The following FSTL5 variants were observed in gnomAD, a reference collection of about 807,000 sequenced individuals.
FSTL5 encodes the protein follistatin-related protein 5.
FSTL5 carries 62 observed loss-of-function variants against 89.1 expected under a neutral mutation model. The ratio of observed to expected loss-of-function variants is 0.70; its 90% CI spans 0.57 to 0.86. The LOEUF (loss-of-function observed/expected upper bound fraction) is 0.86, where lower values mean the gene tolerates loss of function less well. FSTL5 is among the 40% of genes least tolerant of loss of function. The pLI is 0.00. For synonymous variants in FSTL5, 383 were observed against 346.2 expected (o/e 1.11, Z -1.18); for missense variants, 1,057 against 1,001.6 (o/e 1.06, Z -0.75).
chr4:161,608,627 TA>T (rs1448859755), intron 7 of FSTL5, among the ~76,000 whole-genome samples: 9 of 152,002 alleles, frequency 5.9e-5, no homozygotes, highest in Non-Finnish European at 1.2e-4. Context: ...TATGAATCTT[TA>T]AAAAATAATA....
chr4:161,747,416 T>C (rs555575455), intron 6 of FSTL5, among the ~76,000 whole-genome samples: 2 of 152,316 alleles, frequency 1.3e-5, no homozygotes, highest in African/African-American at 2.4e-5. Context: ...CAATATGCCA[T>C]ATACTAAAAT....
chr4:161,748,790 A>G (rs760105593), intron 6 of FSTL5, among the ~76,000 whole-genome samples: 23 of 152,126 alleles, frequency 1.5e-4, no homozygotes, highest in Non-Finnish European at 3.1e-4. Flanking sequence ...GTATGATTAA[A>G]TGACCATCAA....
intron 3 of FSTL5, among the ~76,000 whole-genome samples, chr4:162,024,059 A>G (rs1047253498): frequency 1.3e-5 from 2 of 152,170 alleles, no homozygotes; most frequent in East Asian, 3.9e-4. Context: ...AAAGCCTATA[A>G]AAAGGAAAGC....
chr4:162,080,695 A>G lies in FSTL5; in HGVS notation c.126+30576T>C, dbSNP rs1050745040. Among the ~76,000 whole-genome samples the G allele has an allele frequency of 4.6e-5, 7 of 151,704 alleles. No homozygotes were observed. The East Asian group carries it at 7.8e-4, about 17-fold the overall frequency. ...CTCTAAAATGTTGCTTTTCAGTTTG[A>G]GTATCAATATTTTGAAACTGAATCT... On this transcript the variant is annotated intron_variant, in intron 2 of 15. Coordinates refer to ENST00000306100, the MANE Select transcript of FSTL5 (RefSeq NM_020116.5).
intron 10 of FSTL5, among the ~76,000 whole-genome samples, chr4:161,516,610 T>C (rs1730842481): frequency 1.4e-5 from 1 of 72,418 alleles, no homozygotes; most frequent in African/African-American, 4.9e-5. Flanking sequence ...TTTTATATAA[T>C]AAATTATATA....
chr4:161,889,114 T>C (rs2110744498), intron 4 of FSTL5, among the ~76,000 whole-genome samples: 1 of 152,316 alleles, frequency 6.6e-6, no homozygotes, highest in South Asian at 2.1e-4. Flanking sequence ...TCCTTTTTTC[T>C]TCCACAATTA....
chr4:161,804,326 G>A (rs1202981361), intron 4 of FSTL5, among the ~76,000 whole-genome samples: 3 of 152,074 alleles, frequency 2.0e-5, no homozygotes, highest in Non-Finnish European at 4.4e-5. Flanking sequence ...CAAGAATTGT[G>A]ATAAGGACAT....
chr4:161,973,530 T>C (rs369054394), intron 3 of FSTL5, among the ~76,000 whole-genome samples: 11 of 152,244 alleles, frequency 7.2e-5, no homozygotes, highest in East Asian at 3.8e-4. Context: ...CCTAAATAAC[T>C]GTATTTATGT....
chr4:161,946,404 T>C (rs905147956), intron 3 of FSTL5, among the ~76,000 whole-genome samples: 5 of 152,226 alleles, frequency 3.3e-5, no homozygotes, highest in Admixed American at 3.3e-4. Flanking sequence ...TATAATTATG[T>C]TTGCCATTAT....
chr4:161,665,188 G>GTTTTGT (rs935412434), intron 6 of FSTL5, among the ~76,000 whole-genome samples: 18 of 152,216 alleles, frequency 1.2e-4, no homozygotes, highest in Admixed American at 3.9e-4. Flanking sequence ...TAAAAGTTTT[G>GTTTTGT]TTTTGTTTTT....
intron 7 of FSTL5, among the ~76,000 whole-genome samples, chr4:161,650,102 C>CT (rs748654290): frequency 1.4e-4 from 21 of 152,158 alleles, no homozygotes; most frequent in Non-Finnish European, 2.2e-4. Context: ...ATCTATTCTA[C>CT]TCTGTGCTGG....
At chr4:161,914,631 T>C (rs994501271) in intron 4 of FSTL5, among the ~76,000 whole-genome samples, 1 of 152,182 alleles carries the variant, frequency 6.6e-6, no homozygotes, top group African/African-American at 2.4e-5. Context: ...ATTTTTTCTT[T>C]AAATATAATT....
intron 2 of FSTL5, among the ~76,000 whole-genome samples, chr4:162,105,403 C>A (rs546163051): frequency 6.6e-6 from 1 of 152,122 alleles, no homozygotes; most frequent in Non-Finnish European, 1.5e-5. Flanking sequence ...ACTAAGAAAG[C>A]ATTTTTGCTA....
intron 8 of FSTL5, among the ~76,000 whole-genome samples, chr4:161,566,192 A>G (rs1381173272): frequency 1.3e-5 from 2 of 148,796 alleles, no homozygotes; most frequent in African/African-American, 2.5e-5. Context: ...AAAAACACAC[A>G]TAATAATGTC....
chr4:161,764,529 G>C (rs1383373854), intron 5 of FSTL5, among the ~76,000 whole-genome samples: 1 of 152,120 alleles, frequency 6.6e-6, no homozygotes, highest in Non-Finnish European at 1.5e-5. Context: ...AAAGTGCTGG[G>C]ATTACAGGTG....
intron 3 of FSTL5, among the ~76,000 whole-genome samples, chr4:161,936,331 T>C (rs186670238): frequency 6.6e-6 from 1 of 152,314 alleles, no homozygotes; most frequent in African/African-American, 2.4e-5. Flanking sequence ...TCCTCTTAAG[T>C]GAACTGCTAA....
At chr4:161,433,437 AC>A (rs1732450698) in intron 15 of FSTL5, among the ~76,000 whole-genome samples, 1 of 152,050 alleles carries the variant, frequency 6.6e-6, no homozygotes, top group Admixed American at 6.6e-5. Context: ...CATACAACAG[AC>A]CCACAGCTAG....
At chr4:162,012,269 G>C (rs1050801597) in intron 3 of FSTL5, among the ~76,000 whole-genome samples, 1 of 152,252 alleles carries the variant, frequency 6.6e-6, no homozygotes, top group East Asian at 1.9e-4. Context: ...AAAAAATATA[G>C]TTTATTTTGA....
At chr4:161,777,110 T>A (rs6858002) in intron 4 of FSTL5, among the ~76,000 whole-genome samples, 31,501 of 151,478 alleles carry the variant, frequency 0.21, 5,989 homozygotes, top group African/African-American at 0.51. Context: ...GCTTCCACCT[T>A]TGAGTGAGAA....
Sources: allele counts gnomAD v4.1 joint callset (sites outside exome capture counted in the v4.1 genomes callset), GRCh38; gene constraint gnomAD v4.1.1; transcripts MANE v1.5; gene names NCBI Gene and HGNC (gene_info 2026-07-23, HGNC 2026-07-21).